RANBP2: variants seen among roughly 807,000 people sequenced by gnomAD.
The protein encoded by RANBP2 is E3 SUMO-protein ligase RanBP2.
A neutral mutation model predicts 303.6 loss-of-function variants in RANBP2; 57 were observed. The ratio of observed to expected loss-of-function variants is 0.19; its 90% CI spans 0.15 to 0.23. The LOEUF is 0.23. RANBP2 is among the 10% of genes least tolerant of loss of function. The pLI is 1.00. For synonymous variants in RANBP2, 1,167 were observed against 1,301.5 expected (o/e 0.90, Z 2.23); for missense variants, 3,138 against 3,780.8 (o/e 0.83, Z 4.46).
chr2:109,024,204 C>T, the RANBP2 span, among the ~76,000 whole-genome samples: 58 of 152,202 alleles, frequency 3.8e-4, no homozygotes, highest in Admixed American at 1.5e-3. Flanking sequence ...GGATTACAGG[C>T]GTGAGCCACC....
At chr2:109,693,117 A>G in the RANBP2 span, among the ~76,000 whole-genome samples, 1 of 151,970 alleles carries the variant, frequency 6.6e-6, no homozygotes, top group African/African-American at 2.4e-5. Flanking sequence ...ATTCTCTCTG[A>G]AGCCTGCTAC....
chr2:108,739,168 C>T (rs1028029256), intron 6 of RANBP2, among the ~76,000 whole-genome samples: 6 of 151,622 alleles, frequency 4.0e-5, no homozygotes, highest in African/African-American at 2.4e-5. Context: ...TTTGGGAGGC[C>T]GAGGCGGGTG....
chr2:109,520,532 G>A, the RANBP2 span, among the ~76,000 whole-genome samples: 18 of 149,850 alleles, frequency 1.2e-4, no homozygotes, highest in East Asian at 4.0e-4. Flanking sequence ...CCCAGGAGGC[G>A]GAGGTTGCAG....
the RANBP2 span, among the ~76,000 whole-genome samples, chr2:109,060,486 A>G: frequency 6.6e-6 from 1 of 152,154 alleles, no homozygotes; most frequent in Non-Finnish European, 1.5e-5. Flanking sequence ...GGACCATCAT[A>G]CTTGCCTTTT....
At chr2:109,721,927 C>G in the RANBP2 span, among the ~76,000 whole-genome samples, 4 of 152,222 alleles carry the variant, frequency 2.6e-5, no homozygotes, top group Non-Finnish European at 5.9e-5. Context: ...GCCCACTTGT[C>G]CTCAAGAATC....
rs1163430080 is a variant in RANBP2, at chr2:108,751,260, T to G, written c.1274-4T>G. On this transcript the variant is annotated splice_region_variant and splice_polypyrimidine_tract_variant and intron_variant, in intron 9 of 28. Transcript: ENST00000283195. ...CTTAAGCCAATTTTTTAATTTTATTTCAGGTGCTATTCGAGCACATAATGG... is the reference window on the plus strand; with the variant it reads ...CTTAAGCCAATTTTTTAATTTTATTGCAGGTGCTATTCGAGCACATAATGG... 2 of 1,612,002 alleles carry G rather than the reference T, an allele frequency of 1.2e-6. No individual in the cohort carries two copies. The highest frequency in any genetic ancestry group is 2.2e-5 in the South Asian group (2 of 90,990).
chr2:108,963,502 G>A, the RANBP2 span, among the ~76,000 whole-genome samples: 3 of 152,130 alleles, frequency 2.0e-5, no homozygotes, highest in African/African-American at 4.8e-5. Context: ...CCATGTCCCC[G>A]TTACCCAATG....
the RANBP2 span, among the ~76,000 whole-genome samples, chr2:108,994,615 T>C: frequency 1.0e-3 from 154 of 152,128 alleles, no homozygotes; most frequent in Non-Finnish European, 1.6e-3. Context: ...GATATCTTCA[T>C]TTGAAAATCA....
the RANBP2 span, among the ~76,000 whole-genome samples, chr2:109,278,545 G>A: frequency 6.6e-6 from 1 of 152,196 alleles, no homozygotes; most frequent in East Asian, 1.9e-4. Flanking sequence ...CTGGAATGTC[G>A]GGCCCCAATG....
At chr2:109,589,012 T>C in the RANBP2 span, among the ~76,000 whole-genome samples, 1 of 151,670 alleles carries the variant, frequency 6.6e-6, no homozygotes, top group Non-Finnish European at 1.5e-5. Context: ...AAATGTAAAA[T>C]GTCCACCTCC....
At chr2:108,820,969 A>G in the RANBP2 span, among the ~76,000 whole-genome samples, 7 of 152,226 alleles carry the variant, frequency 4.6e-5, no homozygotes, top group Admixed American at 4.6e-4. Context: ...TAATCCTGGT[A>G]TGTAAGTTGA....
At chr2:108,857,163 C>G in the RANBP2 span, among the ~76,000 whole-genome samples, 1 of 128,018 alleles carries the variant, frequency 7.8e-6, no homozygotes, top group Non-Finnish European at 1.6e-5. Context: ...ACTGCAACCT[C>G]TGACTCCCTG....
At chr2:109,376,031 G>A in the RANBP2 span, among the ~76,000 whole-genome samples, 3,900 of 152,344 alleles carry the variant, frequency 0.026, 116 homozygotes, top group African/African-American at 0.063. Flanking sequence ...GCTAGCCATG[G>A]GGCATAGAGA....
chr2:109,451,702 G>A, the RANBP2 span, among the ~76,000 whole-genome samples: 6 of 152,306 alleles, frequency 3.9e-5, no homozygotes, highest in South Asian at 1.2e-3. Context: ...TGCTATATCA[G>A]CAAAGAACAG....
At chr2:109,046,037 T>A in the RANBP2 span, among the ~76,000 whole-genome samples, 1 of 152,056 alleles carries the variant, frequency 6.6e-6, no homozygotes, top group Non-Finnish European at 1.5e-5. Context: ...GGGCATGGTG[T>A]CTCACACCTG....
chr2:108,909,866 T>C, the RANBP2 span, among the ~76,000 whole-genome samples: 3 of 152,244 alleles, frequency 2.0e-5, no homozygotes, highest in Non-Finnish European at 2.9e-5. Context: ...GAGCCTGGAC[T>C]CGGACCCCAG....
At chr2:108,916,701 AGCCGAGGAGG>A in the RANBP2 span, among the ~76,000 whole-genome samples, 2 of 152,158 alleles carry the variant, frequency 1.3e-5, no homozygotes, top group Non-Finnish European at 2.9e-5. Flanking sequence ...ACGTGTGCGC[AGCCGAGGAGG>A]TGGGGGCAAG....
At chr2:108,995,694 G>C in the RANBP2 span, among the ~76,000 whole-genome samples, 1 of 152,196 alleles carries the variant, frequency 6.6e-6, no homozygotes, top group East Asian at 1.9e-4. Context: ...CTTCAGAACT[G>C]TCCAATGAGC....
At chr2:109,777,277 C>CTT in the RANBP2 span, among the ~76,000 whole-genome samples, 1 of 148,658 alleles carries the variant, frequency 6.7e-6, no homozygotes, top group Non-Finnish European at 1.5e-5. Context: ...TTGTCAAAGG[C>CTT]TTTTCTACAT....
Sources: allele counts gnomAD v4.1 joint callset (sites outside exome capture counted in the v4.1 genomes callset), GRCh38; gene constraint gnomAD v4.1.1; transcripts MANE v1.5; gene names NCBI Gene and HGNC (gene_info 2026-07-23, HGNC 2026-07-21).